CHD7: variants seen among roughly 807,000 people sequenced by gnomAD.
CHD7 encodes ATP-dependent chromatin remodeler CHD7.
Under a neutral mutation model 307.3 loss-of-function variants are expected in CHD7, and 24 were observed. That is an observed-to-expected ratio of 0.08 (90% CI 0.06 to 0.11). The LOEUF is 0.11. CHD7 is among the 10% of genes least tolerant of loss of function. The pLI is 1.00. For missense variants in CHD7, 3,106 were observed against 3,727.1 expected (o/e 0.83, Z 4.34); for synonymous variants, 1,363 against 1,349.9 (o/e 1.01, Z -0.21).
At chr8:60,846,729 T>TTATC (rs1563653656) in intron 23 of CHD7, among the ~76,000 whole-genome samples, 2 of 152,276 alleles carry the variant, frequency 1.3e-5, no homozygotes, top group African/African-American at 4.8e-5. Flanking sequence ...TTTGTATGGA[T>TTATC]TATCTGTTTG....
At chr8:60,781,496 A>T (rs1811230409) in intron 3 of CHD7, 66 bp downstream of exon 3, 2 of 1,463,742 alleles carry the variant, frequency 1.4e-6, no homozygotes, top group Non-Finnish European at 1.8e-6. Flanking sequence ...CCAAATAGTT[A>T]CAGCCTATGA....
chr8:60,848,644 T>G, intron 24 of CHD7, 40 bp downstream of exon 24: 1 of 1,463,074 alleles, frequency 6.8e-7, no homozygotes, highest in Non-Finnish European at 9.5e-7. Context: ...CTCAGTGAGA[T>G]AATCTGGGTA....
intron 1 of CHD7, among the ~76,000 whole-genome samples, chr8:60,697,421 A>G (rs1806534836): frequency 6.6e-6 from 1 of 152,206 alleles, no homozygotes; most frequent in Non-Finnish European, 1.5e-5. Context: ...CTCAAACATT[A>G]TTATATCTTC....
rs534624613 is a variant in CHD7 at position 60,695,313 on chromosome 8, A to C, written c.-175+16231A>C. 3.9e-4 allele frequency among the ~76,000 whole-genome samples: 60 copies of C among 152,368 alleles called. 1 individual carries two copies. The South Asian group carries it at 6.6e-3, about 17-fold the overall frequency. The stretch of plus-strand genomic sequence containing the variant: ...CATTTAAAAACAAGTTTTAAAATAA[A>C]CTTCTTATAAAAATGATTTTGGAAC... On this transcript the variant is annotated intron_variant, in intron 1 of 37. Transcript: ENST00000423902.
chr8:60,822,800 T>TA lies in CHD7; in HGVS notation c.3201+63dup, dbSNP rs533189867. 1.4e-3 allele frequency: 1,993 copies of TA among 1,416,102 alleles called. 1 individual carries two copies. Among genetic ancestry groups the TA allele is most frequent in the Admixed American group, 1.8e-3 (74 of 40,980 alleles). The allele number at this position is 1,416,102 out of a possible 1,614,324, so 87.7% of individuals were successfully genotyped here. On this transcript the variant is annotated intron_variant, in intron 12 of 37. Transcript: ENST00000423902. The stretch of plus-strand genomic sequence containing the variant: ...ACTTACTCTGTGCATTTTAAGGTGT[T>TA]AAAAAAAAATCAAAGTCTTGGTGAC...
At chr8:60,684,969 G>C (rs1054894876) in intron 1 of CHD7, among the ~76,000 whole-genome samples, 1 of 152,166 alleles carries the variant, frequency 6.6e-6, no homozygotes. Flanking sequence ...ATATTTAACA[G>C]TTTCAACGAA....
chr8:60,735,739 G>A (rs1808672365), intron 1 of CHD7, among the ~76,000 whole-genome samples: 1 of 152,096 alleles, frequency 6.6e-6, no homozygotes, highest in Non-Finnish European at 1.5e-5. Context: ...AAAGAGGATT[G>A]CTGCTATTTA....
Position 60,775,335 on chromosome 8 carries a change from G to A in CHD7, c.1666-5665G>A, listed in dbSNP as rs567576359. 4.0e-4 allele frequency among the ~76,000 whole-genome samples: 18 copies of A among 44,866 alleles called. No homozygotes were observed. The East Asian group carries it at 0.052, about 130-fold the overall frequency. 29.4% of individuals were successfully genotyped at this position (44,866 alleles called of 152,430 possible). ...GGAATATGTAACAAAAATTATACAA[G>A]TCATTCTTATATGCTTATACTACTT... On this transcript the variant is annotated intron_variant, in intron 2 of 37. Coordinates refer to ENST00000423902, the MANE Select transcript of CHD7 (RefSeq NM_017780.4).
chr8:60,824,044 G>A (rs1026480916), intron 13 of CHD7, 28 bp downstream of exon 13: 10 of 1,593,106 alleles, frequency 6.3e-6, no homozygotes, highest in Non-Finnish European at 7.7e-6. Context: ...TGATTGCACT[G>A]AACCTGAATA....
Position 60,800,484 on chromosome 8 carries a change from G to A in CHD7, c.2335G>A (p.Gly779Arg). The change falls in exon 5 of 38, where the codon GGG becomes AGG. Residue 779 changes from glycine to arginine, a missense_variant. This residue lies in a region of CHD7 where 998 missense variants were observed against 1,004.5 expected (regional missense o/e 0.99). Coordinates refer to ENST00000423902, the MANE Select transcript of CHD7 (RefSeq NM_017780.4). ...GGAGGCAGATGATGCAGATGCTGCT[G>A]GGAGGGATTCCCCCTCCAACACCTC... ...DEEADDADAA[G>R]RDSPSNTSQS... The A allele has an allele frequency of 6.2e-7, 1 of 1,613,810 alleles. No homozygotes were observed. The highest frequency in any genetic ancestry group is 8.5e-7 in the Non-Finnish European group (1 of 1,179,772).
At chr8:60,856,945 G>A in intron 34 of CHD7, 57 bp downstream of exon 34, 1 of 1,447,474 alleles carries the variant, frequency 6.9e-7, no homozygotes, top group Non-Finnish European at 9.3e-7. Context: ...TGAGGGTCCT[G>A]TGATGCTCAC....
chr8:60,749,595 A>C (rs1307664461), intron 2 of CHD7, among the ~76,000 whole-genome samples: 2 of 107,350 alleles, frequency 1.9e-5, no homozygotes, highest in African/African-American at 5.0e-5. Flanking sequence ...GGGAAAACAA[A>C]ATGTCTCTAA....
In CHD7 at chr8:60,800,433, G is replaced by C. The variant is rs750827803; in HGVS notation, c.2284G>C (p.Asp762His). The C allele has an allele frequency of 6.2e-7, 1 of 1,613,830 alleles. No individual in the cohort carries two copies. Among genetic ancestry groups the C allele is most frequent in the East Asian group, 2.2e-5 (1 of 44,870 alleles). The change falls in exon 5 of 38, where the codon GAC becomes CAC. Residue 762 changes from aspartate (D) to histidine (H), a missense_variant. Physicochemically the swap from Asp to His is moderately conservative, Grantham distance 81. This residue lies in a region of CHD7 where 998 missense variants were observed against 1,004.5 expected (regional missense o/e 0.99). Transcript: ENST00000423902. Reference protein sequence around the residue: ...RQVKRKRYTEDLEFKISDEEA... With the variant: ...RQVKRKRYTEHLEFKISDEEA... ...GGTGAAGAGAAAGCGCTACACTGAA[G>C]ACCTGGAGTTCAAGATTTCTGATGA...
At chr8:60,823,394 T>TAG (rs1804130554) in intron 12 of CHD7, among the ~76,000 whole-genome samples, 23 of 145,550 alleles carry the variant, frequency 1.6e-4, no homozygotes, top group African/African-American at 3.6e-4. Context: ...TTTTGCTATA[T>TAG]ATAGATAGAT....
At position 60,868,021 on chromosome 8, in the gene CHD7, T is replaced by C. The variant is rs1283980279; in HGVS notation, c.*2088T>C. The C allele has an allele frequency of 1.3e-5, 2 of 152,224 alleles. No individual in the cohort carries two copies. The highest frequency in any genetic ancestry group is 4.8e-5 in the African/African-American group (2 of 41,442). The allele number at this position is 152,224 out of a possible 1,614,324, so 9.4% of individuals were successfully genotyped here. On this transcript the variant is annotated 3_prime_UTR_variant, in exon 38 of 38. Transcript: ENST00000423902. The stretch of plus-strand genomic sequence containing the variant: ...TAAAATGAGTCATTAAAGGGTGTTT[T>C]TTTTAAAGTTCTTTGTAGTATTGGA...
chr8:60,785,037 C>T (rs948362739), intron 3 of CHD7, among the ~76,000 whole-genome samples: 5 of 152,172 alleles, frequency 3.3e-5, no homozygotes, highest in Non-Finnish European at 5.9e-5. Context: ...GAGAGGATAC[C>T]GTTTTGCATG....
chr8:60,816,113 GTCTC>G (rs201056061), intron 7 of CHD7, among the ~76,000 whole-genome samples: 2,347 of 139,030 alleles, frequency 0.017, 20 homozygotes, highest in East Asian at 0.036. Flanking sequence ...CTGTCTGTCT[GTCTC>G]TCTCTCTCTC....
At chr8:60,812,222 G>C (rs1443840227) in intron 7 of CHD7, among the ~76,000 whole-genome samples, 2 of 152,130 alleles carry the variant, frequency 1.3e-5, no homozygotes, top group Non-Finnish European at 2.9e-5. Flanking sequence ...CCTATATCCA[G>C]ATTACAGAGG....
At chr8:60,840,121 A>G (rs1023514845) in intron 19 of CHD7, among the ~76,000 whole-genome samples, 1 of 152,106 alleles carries the variant, frequency 6.6e-6, no homozygotes, top group African/African-American at 2.4e-5. Flanking sequence ...TAACTCTTAC[A>G]TTTTGGTCTG....
Sources: gnomAD v4.1 joint callset for allele counts (sites outside exome capture counted in the v4.1 genomes callset) on GRCh38, gnomAD v4.1.1 for gene constraint, gnomAD v4.1.1 regional missense constraint, MANE v1.5 for transcripts, NCBI Gene and HGNC (gene_info 2026-07-23, HGNC 2026-07-21) for gene names.